EEFSEC: variants seen among roughly 807,000 people sequenced by gnomAD.
The protein encoded by EEFSEC is selenocysteine-specific elongation factor.
In EEFSEC, 43 loss-of-function variants were observed where a neutral mutation model predicts 42.1. That is an observed-to-expected ratio of 1.02 (90% confidence interval 0.80 to 1.32). The LOEUF (loss-of-function observed/expected upper bound fraction) is 1.32, where lower values mean the gene tolerates loss of function less well. EEFSEC is among the 40% of genes most tolerant of loss of function. EEFSEC has a pLI of 0.00. For missense variants in EEFSEC, 745 were observed against 803.6 expected (o/e 0.93, Z 0.88); for synonymous variants, 354 against 339.1 (o/e 1.04, Z -0.48).
chr3:128,308,429 A>G (rs762553941), intron 4 of EEFSEC, among the ~76,000 whole-genome samples: 9 of 152,184 alleles, frequency 5.9e-5, no homozygotes, highest in Non-Finnish European at 7.3e-5. Flanking sequence ...AGGCTCTCCA[A>G]GTACTAATTT....
intron 2 of EEFSEC, among the ~76,000 whole-genome samples, chr3:128,253,435 G>C (rs1342780960): frequency 6.6e-6 from 1 of 152,072 alleles, no homozygotes; most frequent in African/African-American, 2.4e-5. Context: ...TGGCTCCCTG[G>C]GCGAGTCATA....
At chr3:128,178,089 A>G (rs2065369571) in intron 1 of EEFSEC, among the ~76,000 whole-genome samples, 1 of 152,218 alleles carries the variant, frequency 6.6e-6, no homozygotes. Flanking sequence ...GTACCATAAT[A>G]AATGCAAGTT....
intron 1 of EEFSEC, among the ~76,000 whole-genome samples, chr3:128,217,433 A>G (rs535443699): frequency 2.0e-5 from 3 of 152,222 alleles, no homozygotes; most frequent in African/African-American, 7.2e-5. Context: ...CATTCACCTT[A>G]GGCTGCCATA....
intron 4 of EEFSEC, among the ~76,000 whole-genome samples, chr3:128,296,798 A>G (rs1200331146): frequency 6.6e-6 from 1 of 152,210 alleles, no homozygotes; most frequent in Admixed American, 6.5e-5. Context: ...CCCAGTTGGC[A>G]TAGGTGTGGC....
chr3:128,426,023 G>C, the EEFSEC span, among the ~76,000 whole-genome samples: 1 of 152,214 alleles, frequency 6.6e-6, no homozygotes, highest in African/African-American at 2.4e-5. Flanking sequence ...CCAGGGACCT[G>C]CTAGAAACCT....
intron 1 of EEFSEC, among the ~76,000 whole-genome samples, chr3:128,220,215 CT>C (rs1266381752): frequency 2.6e-5 from 4 of 152,208 alleles, no homozygotes; most frequent in Non-Finnish European, 4.4e-5. Flanking sequence ...GCTCCAGAGT[CT>C]GTGCTCCCAA....
At chr3:128,259,121 A>G (rs951308074) in intron 2 of EEFSEC, among the ~76,000 whole-genome samples, 2 of 152,208 alleles carry the variant, frequency 1.3e-5, no homozygotes, top group Non-Finnish European at 2.9e-5. Flanking sequence ...GAAAGCTTCT[A>G]GCACAATTGC....
chr3:128,321,147 A>G (rs1205879226), intron 4 of EEFSEC, among the ~76,000 whole-genome samples: 1 of 152,076 alleles, frequency 6.6e-6, no homozygotes, highest in Non-Finnish European at 1.5e-5. Flanking sequence ...AGACTGGGAG[A>G]GGCAGGGTCA....
chr3:128,190,109 C>T (rs1040652491), intron 1 of EEFSEC, among the ~76,000 whole-genome samples: 1 of 152,180 alleles, frequency 6.6e-6, no homozygotes, highest in Admixed American at 6.5e-5. Context: ...GCAATGCACC[C>T]GCCTCAGCCT....
Position 128,408,386 on chromosome 3 carries a change from C to T in EEFSEC, c.*127C>T. 1 of 1,082,722 alleles carries T rather than the reference C, an allele frequency of 9.2e-7. No individual in the cohort carries two copies. The highest frequency in any genetic ancestry group is 1.3e-6 in the Non-Finnish European group (1 of 769,104). 67.1% of individuals were successfully genotyped at this position (1,082,722 alleles called of 1,614,324 possible). ...CAGTCCTGCAGCAGCAGCCCCCACC[C>T]CCAAGCTTGGTGCTGAGCCCTGGTG... On this transcript the variant is annotated 3_prime_UTR_variant, in exon 7 of 7. Coordinates refer to ENST00000254730, the MANE Select transcript of EEFSEC (RefSeq NM_021937.5).
intron 6 of EEFSEC, among the ~76,000 whole-genome samples, chr3:128,396,515 A>G (rs1435099520): frequency 1.3e-5 from 2 of 152,188 alleles, no homozygotes; most frequent in Non-Finnish European, 2.9e-5. Flanking sequence ...CACACTGTCA[A>G]ATGGGATCGT....
chr3:128,348,897 G>A (rs755079093), intron 5 of EEFSEC, among the ~76,000 whole-genome samples: 1 of 152,254 alleles, frequency 6.6e-6, no homozygotes, highest in Non-Finnish European at 1.5e-5. Context: ...TCTAGTGGAG[G>A]ACAGAGACTC....
chr3:128,396,657 C>T (rs540909545), intron 6 of EEFSEC, among the ~76,000 whole-genome samples: 1 of 152,126 alleles, frequency 6.6e-6, no homozygotes, highest in Non-Finnish European at 1.5e-5. Context: ...AGCTCAGGCC[C>T]ACCACGTTCT....
the EEFSEC span, among the ~76,000 whole-genome samples, chr3:128,415,691 C>T: frequency 1.3e-5 from 2 of 152,224 alleles, no homozygotes; most frequent in Admixed American, 6.5e-5. Context: ...TCGGGGCTCT[C>T]GCACAGATGG....
intron 4 of EEFSEC, among the ~76,000 whole-genome samples, chr3:128,282,095 G>A (rs2066532316): frequency 6.6e-6 from 1 of 152,240 alleles, no homozygotes; most frequent in Non-Finnish European, 1.5e-5. Context: ...CTGCCCACCA[G>A]GGCCCAGAGG....
intron 1 of EEFSEC, among the ~76,000 whole-genome samples, chr3:128,218,596 G>A (rs2065833252): frequency 6.6e-6 from 1 of 152,162 alleles, no homozygotes; most frequent in African/African-American, 2.4e-5. Flanking sequence ...GCTTGGGTTT[G>A]GGGTTTGAAG....
chr3:128,388,867 G>A (rs2067873525), intron 6 of EEFSEC, among the ~76,000 whole-genome samples: 1 of 152,202 alleles, frequency 6.6e-6, no homozygotes, highest in African/African-American at 2.4e-5. Flanking sequence ...GGGTCCCCAA[G>A]CTGCAGGTCT....
chr3:128,420,632 T>C, the EEFSEC span, among the ~76,000 whole-genome samples: 2 of 152,208 alleles, frequency 1.3e-5, no homozygotes, highest in Admixed American at 6.5e-5. Context: ...CATCAGCTCC[T>C]TTTCCTGGGA....
intron 1 of EEFSEC, among the ~76,000 whole-genome samples, chr3:128,203,137 T>C (rs1410205456): frequency 6.6e-6 from 1 of 152,206 alleles, no homozygotes; most frequent in Non-Finnish European, 1.5e-5. Context: ...GTAGATAGTA[T>C]AAATGAATGG....
Sources: allele counts gnomAD v4.1 joint callset (sites outside exome capture counted in the v4.1 genomes callset), GRCh38; gene constraint gnomAD v4.1.1; transcripts MANE v1.5; gene names NCBI Gene and HGNC (gene_info 2026-07-23, HGNC 2026-07-21).